NELL2: variants seen among roughly 807,000 people sequenced by gnomAD.
NELL2 encodes the protein neural EGFL like 2.
In NELL2, 41 loss-of-function variants were observed where a neutral mutation model predicts 109.6. The observed-to-expected ratio is 0.37, with a 90% confidence interval of 0.29 to 0.49. NELL2 has a LOEUF of 0.49. NELL2 is among the 20% of genes least tolerant of loss of function. The probability of loss-of-function intolerance (pLI) is 0.98; values close to 1 mark genes in which losing one functional copy is unlikely to be tolerated. For synonymous variants in NELL2, 355 were observed against 344.7 expected (o/e 1.03, Z -0.33); for missense variants, 900 against 1,008.3 (o/e 0.89, Z 1.45).
At chr12:44,561,779 A>C (rs906258965) in intron 15 of NELL2, among the ~76,000 whole-genome samples, 1 of 152,228 alleles carries the variant, frequency 6.6e-6, no homozygotes, top group Non-Finnish European at 1.5e-5. Flanking sequence ...TGTCCCCATG[A>C]AGCTGCCATT....
upstream of NELL2, chr12:44,881,006 T>G (rs1168062121): frequency 6.6e-6 from 1 of 151,978 alleles, no homozygotes; most frequent in Non-Finnish European, 1.5e-5. Context: ...GTCTAAGAAA[T>G]AGACCATTAC....
intron 2 of NELL2, among the ~76,000 whole-genome samples, chr12:44,869,297 G>A (rs1041870762): frequency 6.6e-6 from 1 of 152,174 alleles, no homozygotes; most frequent in African/African-American, 2.4e-5. Flanking sequence ...TTGGTTTCAA[G>A]GTCTAGAAAT....
chr12:44,562,515 C>T (rs1470548507), intron 15 of NELL2, among the ~76,000 whole-genome samples: 1 of 152,134 alleles, frequency 6.6e-6, no homozygotes, highest in Non-Finnish European at 1.5e-5. Flanking sequence ...AAGATATGAA[C>T]AGACACTTCT....
intron 3 of NELL2, among the ~76,000 whole-genome samples, chr12:44,783,856 TAAAG>T (rs777755899): frequency 6.6e-6 from 1 of 151,840 alleles, no homozygotes; most frequent in African/African-American, 2.4e-5. Context: ...AAAAAACAGA[TAAAG>T]ATAGTACAAA....
At chr12:44,801,383 T>C (rs1942824280) in intron 3 of NELL2, among the ~76,000 whole-genome samples, 1 of 152,058 alleles carries the variant, frequency 6.6e-6, no homozygotes, top group African/African-American at 2.4e-5. Flanking sequence ...TACATGATTA[T>C]TATTATTATC....
intron 9 of NELL2, among the ~76,000 whole-genome samples, chr12:44,719,318 G>A (rs1938648167): frequency 6.6e-6 from 1 of 152,160 alleles, no homozygotes; most frequent in African/African-American, 2.4e-5. Flanking sequence ...GGTCATTAAT[G>A]CAGAGATGGC....
chr12:44,876,857 G>A (rs1816877836), upstream of NELL2: 36 of 1,305,600 alleles, frequency 2.8e-5, no homozygotes, highest in South Asian at 7.5e-4. Context: ...AGAGACTGGT[G>A]GGGACGGATG....
intron 9 of NELL2, among the ~76,000 whole-genome samples, chr12:44,743,141 A>G (rs1330545843): frequency 6.6e-6 from 1 of 152,232 alleles, no homozygotes; most frequent in Non-Finnish European, 1.5e-5. Flanking sequence ...CATGGGGACC[A>G]ATATTCAACA....
chr12:44,654,566 A>G (rs950031194), intron 13 of NELL2, among the ~76,000 whole-genome samples: 3 of 152,182 alleles, frequency 2.0e-5, no homozygotes, highest in African/African-American at 7.2e-5. Context: ...GTCAGTTCCT[A>G]TTGGAATGCA....
At chr12:44,664,444 T>A (rs189684608) in intron 13 of NELL2, among the ~76,000 whole-genome samples, 1 of 152,104 alleles carries the variant, frequency 6.6e-6, no homozygotes, top group Non-Finnish European at 1.5e-5. Context: ...TAGAAGAAGA[T>A]CCTTCCCTGT....
intron 12 of NELL2, among the ~76,000 whole-genome samples, chr12:44,688,380 T>G (rs1948793635): frequency 6.6e-6 from 1 of 152,240 alleles, no homozygotes; most frequent in Non-Finnish European, 1.5e-5. Flanking sequence ...ATGAATTAAC[T>G]GATACACTGA....
intron 3 of NELL2, among the ~76,000 whole-genome samples, chr12:44,805,969 C>A (rs1349155310): frequency 6.6e-6 from 1 of 151,640 alleles, no homozygotes; most frequent in African/African-American, 2.4e-5. Context: ...ACAAGATTTT[C>A]TTTTTCTTGA....
chr12:44,562,035 T>C (rs919491208), intron 15 of NELL2, among the ~76,000 whole-genome samples: 1 of 151,866 alleles, frequency 6.6e-6, no homozygotes, highest in African/African-American at 2.4e-5. Flanking sequence ...CAACATTCAT[T>C]GACAAACTTG....
intron 9 of NELL2, among the ~76,000 whole-genome samples, chr12:44,771,415 C>T (rs1941545510): frequency 6.6e-6 from 1 of 151,906 alleles, no homozygotes. Flanking sequence ...AGACCTCTAA[C>T]TAACTGCACG....
Position 44,905,091 on chromosome 12 carries a change from G to A in NELL2, c.38+8708C>T, listed in dbSNP as rs143697530. On this transcript the variant is annotated intron_variant, in intron 1 of 20. Transcript: ENST00000333837. ...TAGTGATGTAGATGTTCTTTTACAC[G>A]GATTATCTTATTTGAAAATCCAAAC... Among the ~76,000 whole-genome samples, 38 of 151,966 alleles carry A rather than the reference G, an allele frequency of 2.5e-4. 1 individual carries two copies. Among genetic ancestry groups the A allele is most frequent in the Admixed American group, 1.9e-3 (29 of 15,274 alleles).
At chr12:44,643,311 C>T (rs893431401) in intron 13 of NELL2, among the ~76,000 whole-genome samples, 1 of 151,998 alleles carries the variant, frequency 6.6e-6, no homozygotes, top group Admixed American at 6.6e-5. Flanking sequence ...AGCTACAATA[C>T]CATTCTAAAT....
chr12:44,681,394 TTTTA>T (rs1566148020), intron 12 of NELL2, among the ~76,000 whole-genome samples: 2 of 149,706 alleles, frequency 1.3e-5, no homozygotes, highest in East Asian at 1.9e-4. Context: ...TTTTATTTAT[TTTTA>T]TTTATTTTAT....
chr12:44,681,409 T>A (rs1948498900), intron 12 of NELL2, among the ~76,000 whole-genome samples: 1 of 150,024 alleles, frequency 6.7e-6, no homozygotes, highest in African/African-American at 2.4e-5. Flanking sequence ...TTTATTTTAT[T>A]TTATTTTATT....
Position 44,749,292 on chromosome 12 carries a change from A to T in NELL2, c.994+25455T>A, listed in dbSNP as rs193081841. Among the ~76,000 whole-genome samples, 355 of 152,302 alleles carry T rather than the reference A, an allele frequency of 2.3e-3. 1 individual carries two copies. The highest frequency in any genetic ancestry group is 8.2e-3 in the African/African-American group (343 of 41,580). ...TAATGCATTATCAGCTTTTTAAAAA[A>T]TTACTTATTATACATATTCAATATT... is the stretch of plus-strand genomic sequence containing the variant. On this transcript the variant is annotated intron_variant, in intron 9 of 19. Transcript: ENST00000429094.
Sources: allele counts gnomAD v4.1 joint callset (sites outside exome capture counted in the v4.1 genomes callset), GRCh38; gene constraint gnomAD v4.1.1; transcripts MANE v1.5; gene names NCBI Gene and HGNC (gene_info 2026-07-23, HGNC 2026-07-21).